The following RFX3 variants were observed in gnomAD, a reference collection of about 807,000 sequenced individuals.
RFX3 encodes regulatory factor X3, also known as transcription factor RFX3.
A neutral mutation model predicts 98.6 loss-of-function variants in RFX3; 14 were observed. That is an observed-to-expected ratio of 0.14 (90% confidence interval 0.09 to 0.22). The LOEUF (loss-of-function observed/expected upper bound fraction) is 0.22. Ranked by LOEUF, RFX3 falls within the 10% of genes least tolerant of loss-of-function variation. The pLI, the probability that RFX3 is intolerant of heterozygous loss-of-function variation, is 1.00. For synonymous variants in RFX3, 383 were observed against 328.4 expected (o/e 1.17, Z -1.80); for missense variants, 639 against 926.9 (o/e 0.69, Z 4.03).
At chr9:3,240,648 G>A (rs1819787393) in intron 15 of RFX3, among the ~76,000 whole-genome samples, 2 of 152,090 alleles carry the variant, frequency 1.3e-5, no homozygotes, top group Non-Finnish European at 2.9e-5. Context: ...GACATTTTAT[G>A]GTAGTATATT....
chr9:3,426,569 T>C (rs898208440), intron 1 of RFX3, among the ~76,000 whole-genome samples: 1 of 152,082 alleles, frequency 6.6e-6, no homozygotes, highest in Non-Finnish European at 1.5e-5. Flanking sequence ...TTCATCTCTA[T>C]TTACAGCCAC....
At chr9:3,515,631 C>G (rs1341128351) in intron 1 of RFX3, among the ~76,000 whole-genome samples, 1 of 152,190 alleles carries the variant, frequency 6.6e-6, no homozygotes, top group Admixed American at 6.5e-5. Flanking sequence ...GCAACCTCCC[C>G]CATTCCTCCA....
chr9:3,308,560 C>T (rs778279113), intron 4 of RFX3, among the ~76,000 whole-genome samples: 2 of 152,132 alleles, frequency 1.3e-5, no homozygotes, highest in Non-Finnish European at 2.9e-5. Context: ...ACATTACATG[C>T]CAATTTACAT....
chr9:3,419,275 C>T lies in RFX3; in HGVS notation c.-8-23679G>A, dbSNP rs552654573. ...TGTACTATCAAATTGTAAAGAATAC[C>T]AAATTGATATAATTATACTTTATAA... On this transcript the variant is annotated intron_variant, in intron 1 of 16. Coordinates refer to ENST00000617270, the MANE Select transcript of RFX3 (RefSeq NM_001282116.2). 3.9e-5 allele frequency among the ~76,000 whole-genome samples: 6 copies of T among 152,052 alleles called. No individual in the cohort carries two copies. The South Asian group carries it at 1.2e-3, about 32-fold the overall frequency.
chr9:3,314,745 C>A (rs1254645641), intron 4 of RFX3, among the ~76,000 whole-genome samples: 1 of 151,866 alleles, frequency 6.6e-6, no homozygotes, highest in African/African-American at 2.4e-5. Flanking sequence ...ATAAAACAGA[C>A]TTTAAACCAC....
intron 2 of RFX3, among the ~76,000 whole-genome samples, chr9:3,371,653 A>G (rs942707581): frequency 6.6e-6 from 1 of 152,210 alleles, no homozygotes; most frequent in East Asian, 1.9e-4. Context: ...AGTAAGATGA[A>G]AAGACGCTAC....
intron 1 of RFX3, among the ~76,000 whole-genome samples, chr9:3,470,318 CT>C (rs1022376234): frequency 1.4e-3 from 199 of 142,204 alleles, no homozygotes; most frequent in Admixed American, 1.9e-3. Flanking sequence ...TTTCTTTTTC[CT>C]TTTTTTTTTT....
intron 11 of RFX3, among the ~76,000 whole-genome samples, chr9:3,270,142 AAG>A (rs1824239025): frequency 1.4e-5 from 2 of 145,190 alleles, no homozygotes; most frequent in African/African-American, 5.4e-5. Context: ...AAAGAAAGAA[AAG>A]GAGAAAGAAA....
intron 2 of RFX3, among the ~76,000 whole-genome samples, chr9:3,363,778 T>G (rs1836741726): frequency 6.6e-6 from 1 of 152,214 alleles, no homozygotes; most frequent in Non-Finnish European, 1.5e-5. Flanking sequence ...ATCCTAGAAT[T>G]CCTCCCACAA....
Position 3,499,524 on chromosome 9 carries a change from A to G in RFX3, c.-9+26223T>C, listed in dbSNP as rs1461471782. Among the ~76,000 whole-genome samples, 3 of 152,076 alleles carry G rather than the reference A, an allele frequency of 2.0e-5. No homozygotes were observed. In the East Asian group the frequency reaches 5.8e-4, roughly 29 times the overall value. On this transcript the variant is annotated intron_variant, in intron 1 of 16. Transcript: ENST00000617270. ...AAATTATTCACATAAATTTACTAAA[A>G]TTAGATAGCATTATTTGAATGTAAA...
chr9:3,437,781 C>T (rs775642811), intron 1 of RFX3, among the ~76,000 whole-genome samples: 9 of 152,006 alleles, frequency 5.9e-5, no homozygotes, highest in East Asian at 1.9e-4. Flanking sequence ...TCATGTGATG[C>T]GCTTACCTGC....
rs1586621279 is a variant in RFX3, at chr9:3,218,542, G to C, written c.*6500C>G. 1 of 151,984 alleles carries C rather than the reference G, an allele frequency of 6.6e-6. No homozygotes were observed. The highest frequency in any genetic ancestry group is 1.5e-5 in the Non-Finnish European group (1 of 67,980). The allele number at this position is 151,984 out of a possible 1,614,324, so 9.4% of individuals were successfully genotyped here. ...CAAATCGCCCACAAACTATTATTTA[G>C]CTCCTGCCAATTTTGAGAGGACATG... is the stretch of plus-strand genomic sequence containing the variant. On this transcript the variant is annotated 3_prime_UTR_variant, in exon 17 of 17. Transcript: ENST00000617270.
chr9:3,370,937 C>G (rs886136949), intron 2 of RFX3, among the ~76,000 whole-genome samples: 21 of 152,134 alleles, frequency 1.4e-4, no homozygotes, highest in African/African-American at 5.1e-4. Flanking sequence ...GACAAAATAT[C>G]TGTGGGAGTA....
In RFX3 at chr9:3,224,934, G is replaced by T; in HGVS notation, c.*108C>A. ...CACAACTCCAAAAAGTTAATGTTCA[G>T]CACAGATAGAATTTGACAACAGTCG... On this transcript the variant is annotated 3_prime_UTR_variant, in exon 17 of 17. Transcript: ENST00000617270. 9.0e-7 allele frequency: 1 copy of T among 1,113,948 alleles called. No homozygotes were observed. The highest frequency in any genetic ancestry group is 1.3e-6 in the Non-Finnish European group (1 of 760,348). 69.0% of individuals were successfully genotyped at this position (1,113,948 alleles called of 1,614,324 possible). A position where few individuals can be genotyped will look rare whatever the true frequency, so the allele number is the denominator to read the frequency against.
chr9:3,262,674 T>C (rs1823073454), intron 13 of RFX3, among the ~76,000 whole-genome samples: 1 of 152,208 alleles, frequency 6.6e-6, no homozygotes, highest in African/African-American at 2.4e-5. Flanking sequence ...GACTGTGACC[T>C]TTATTACTCT....
chr9:3,349,681 T>G (rs1834871553), intron 2 of RFX3, among the ~76,000 whole-genome samples: 1 of 152,098 alleles, frequency 6.6e-6, no homozygotes, highest in African/African-American at 2.4e-5. Flanking sequence ...TGCAAATGTA[T>G]ATGAATGTGT....
intron 1 of RFX3, among the ~76,000 whole-genome samples, chr9:3,395,821 T>C (rs1233289389): frequency 6.6e-6 from 1 of 152,314 alleles, no homozygotes; most frequent in Admixed American, 6.5e-5. Context: ...GCACCTCTTA[T>C]CCTGAGACTA....
At chr9:3,450,263 A>C (rs973987636) in intron 1 of RFX3, among the ~76,000 whole-genome samples, 1 of 152,278 alleles carries the variant, frequency 6.6e-6, no homozygotes, top group Non-Finnish European at 1.5e-5. Flanking sequence ...CCTCAGATTA[A>C]GAAAATCTCA....
At chr9:3,368,572 G>T (rs1408112589) in intron 2 of RFX3, among the ~76,000 whole-genome samples, 2 of 152,122 alleles carry the variant, frequency 1.3e-5, no homozygotes, top group South Asian at 4.1e-4. Context: ...GATAGACAGG[G>T]ATATCATTTC....
Sources: gnomAD v4.1 joint callset for allele counts (sites outside exome capture counted in the v4.1 genomes callset) on GRCh38, gnomAD v4.1.1 for gene constraint, MANE v1.5 for transcripts, NCBI Gene and HGNC (gene_info 2026-07-23, HGNC 2026-07-21) for gene names.